The following LRMDA variants were observed in gnomAD, a reference collection of about 807,000 sequenced individuals.
LRMDA encodes the protein leucine rich melanocyte differentiation associated, also known as leucine-rich melanocyte differentiation-associated protein.
A neutral mutation model predicts 29.8 loss-of-function variants in LRMDA; 18 were observed. That is an observed-to-expected ratio of 0.60 (90% CI 0.42 to 0.90). The LOEUF is 0.90. Ranked by LOEUF, LRMDA falls within the 40% of genes least tolerant of loss-of-function variation. LRMDA has a pLI of 0.00. For synonymous variants in LRMDA, 125 were observed against 109.4 expected (o/e 1.14, Z -0.89); for missense variants, 273 against 273.9 (o/e 1.00, Z 0.02).
At chr10:76,122,779 C>A (rs981606363) in intron 5 of LRMDA, among the ~76,000 whole-genome samples, 1 of 152,094 alleles carries the variant, frequency 6.6e-6, no homozygotes, top group Admixed American at 6.5e-5. Context: ...GTTAGGCTTG[C>A]CTTTCTGGGT....
intron 2 of LRMDA, among the ~76,000 whole-genome samples, chr10:75,615,076 G>A (rs891739093): frequency 6.6e-6 from 1 of 152,202 alleles, no homozygotes; most frequent in African/African-American, 2.4e-5. Flanking sequence ...GAAGGATGTG[G>A]CCATTGTCCT....
intron 2 of LRMDA, among the ~76,000 whole-genome samples, chr10:75,894,947 G>A (rs1015665362): frequency 6.6e-6 from 1 of 152,200 alleles, no homozygotes; most frequent in Non-Finnish European, 1.5e-5. Context: ...CTTACTTTCA[G>A]ATGAGAAACT....
intron 2 of LRMDA, among the ~76,000 whole-genome samples, chr10:75,536,482 C>A (rs1206613940): frequency 6.6e-6 from 1 of 152,146 alleles, no homozygotes; most frequent in Non-Finnish European, 1.5e-5. Flanking sequence ...GCTCTTCTCT[C>A]TGTCCTCTTT....
chr10:76,327,875 C>A (rs1840855637), intron 6 of LRMDA, among the ~76,000 whole-genome samples: 1 of 152,184 alleles, frequency 6.6e-6, no homozygotes, highest in South Asian at 2.1e-4. Flanking sequence ...CATTTAGTCA[C>A]AAAGCCTAAC....
chr10:76,362,701 A>C (rs988379520), intron 6 of LRMDA, among the ~76,000 whole-genome samples: 1 of 151,904 alleles, frequency 6.6e-6, no homozygotes, highest in Non-Finnish European at 1.5e-5. Flanking sequence ...CCCTCCTTCC[A>C]CCCTCCCGCC....
chr10:76,426,919 T>C (rs1842132737), intron 6 of LRMDA, among the ~76,000 whole-genome samples: 1 of 152,126 alleles, frequency 6.6e-6, no homozygotes, highest in Non-Finnish European at 1.5e-5. Context: ...GTTGTAGATG[T>C]GTGGTATTAT....
At chr10:75,599,406 C>T (rs1295448808) in intron 2 of LRMDA, among the ~76,000 whole-genome samples, 4 of 152,130 alleles carry the variant, frequency 2.6e-5, no homozygotes, top group South Asian at 2.1e-4. Flanking sequence ...TGGTTCTGAC[C>T]GTCATTCGGA....
At chr10:76,020,571 G>T (rs1865632) in intron 2 of LRMDA, among the ~76,000 whole-genome samples, 1 of 151,932 alleles carries the variant, frequency 6.6e-6, no homozygotes, top group East Asian at 1.9e-4. Flanking sequence ...TCACTCTAAG[G>T]TGAGGACATC....
chr10:75,611,073 G>A (rs10762673), intron 2 of LRMDA, among the ~76,000 whole-genome samples: 98,709 of 151,792 alleles, frequency 0.65, 32,309 homozygotes, highest in African/African-American at 0.69. Context: ...GCTGGAGCTG[G>A]TGGGGCACTC....
chr10:75,690,427 C>T (rs1044392965), intron 2 of LRMDA, among the ~76,000 whole-genome samples: 2 of 152,168 alleles, frequency 1.3e-5, no homozygotes, highest in South Asian at 2.1e-4. Context: ...ATCTCAGCCT[C>T]CCAGGCAGCT....
chr10:76,050,923 C>T (rs1351739378), intron 4 of LRMDA, among the ~76,000 whole-genome samples: 1 of 152,240 alleles, frequency 6.6e-6, no homozygotes, highest in Non-Finnish European at 1.5e-5. Context: ...TCCTCTGTCA[C>T]TGAACCCTCT....
At chr10:76,019,955 C>A (rs186440056) in intron 2 of LRMDA, among the ~76,000 whole-genome samples, 137 of 152,048 alleles carry the variant, frequency 9.0e-4, no homozygotes, top group Non-Finnish European at 1.7e-3. Context: ...AGGTGGTCCA[C>A]GAGCCACTCT....
At chr10:75,548,016 G>C (rs1042715286) in intron 2 of LRMDA, among the ~76,000 whole-genome samples, 4 of 151,878 alleles carry the variant, frequency 2.6e-5, no homozygotes, top group African/African-American at 9.7e-5. Flanking sequence ...TGATTGTAAG[G>C]CTTTTCATAT....
chr10:76,323,644 T>C (rs1455377769), intron 5 of LRMDA, among the ~76,000 whole-genome samples: 3 of 152,206 alleles, frequency 2.0e-5, no homozygotes, highest in Non-Finnish European at 4.4e-5. Context: ...GTACTTTCTT[T>C]TGGCTTTAGC....
At chr10:75,973,052 C>CAGG (rs938806444) in intron 2 of LRMDA, among the ~76,000 whole-genome samples, 1 of 151,242 alleles carries the variant, frequency 6.6e-6, no homozygotes, top group African/African-American at 2.5e-5. Flanking sequence ...GCAGCAGCAG[C>CAGG]AGCAGCAGCA....
At chr10:76,459,077 C>G (rs927375937) in intron 6 of LRMDA, among the ~76,000 whole-genome samples, 7 of 152,150 alleles carry the variant, frequency 4.6e-5, no homozygotes, top group African/African-American at 1.7e-4. Context: ...TGGTATGATT[C>G]AATGAACTAA....
intron 5 of LRMDA, among the ~76,000 whole-genome samples, chr10:76,087,772 A>C (rs1849160793): frequency 6.6e-6 from 1 of 152,204 alleles, no homozygotes; most frequent in African/African-American, 2.4e-5. Flanking sequence ...AGCAATCATT[A>C]TTCCATTGCT....
At chr10:75,980,919 G>T (rs1040431978) in intron 2 of LRMDA, among the ~76,000 whole-genome samples, 1 of 152,116 alleles carries the variant, frequency 6.6e-6, no homozygotes, top group African/African-American at 2.4e-5. Context: ...CTTTGGTAAC[G>T]TGTGTGCGTC....
intron 6 of LRMDA, among the ~76,000 whole-genome samples, chr10:76,526,682 A>G (rs1843177860): frequency 6.6e-6 from 1 of 151,986 alleles, no homozygotes; most frequent in Non-Finnish European, 1.5e-5. Flanking sequence ...CCATATGCAC[A>G]TCAACTTATA....
Sources: allele counts gnomAD v4.1 joint callset (sites outside exome capture counted in the v4.1 genomes callset), GRCh38; gene constraint gnomAD v4.1.1; transcripts MANE v1.5; gene names NCBI Gene and HGNC (gene_info 2026-07-23, HGNC 2026-07-21).